PRKG1: variants seen among roughly 807,000 people sequenced by gnomAD.
PRKG1 encodes the protein protein kinase cGMP-dependent 1, also known as cGMP-dependent protein kinase 1.
PRKG1 carries 35 observed loss-of-function variants against 88.1 expected under a neutral mutation model. The observed-to-expected ratio is 0.40, with a 90% CI of 0.30 to 0.53. The LOEUF (loss-of-function observed/expected upper bound fraction) is 0.53, where lower values mean the gene tolerates loss of function less well. PRKG1 is among the 20% of genes least tolerant of loss of function. The pLI, the probability that PRKG1 is intolerant of heterozygous loss-of-function variation, is 0.59. For synonymous variants in PRKG1, 303 were observed against 292.5 expected, an observed-to-expected ratio of 1.04 and a Z score of -0.37; for missense variants, 540 against 839.8, an observed-to-expected ratio of 0.64 and a Z score of 4.41.
chr10:51,956,059 T>C lies in PRKG1; in HGVS notation c.762+48489T>C, dbSNP rs528798675. On this transcript the variant is annotated intron_variant, in intron 5 of 17. Coordinates refer to ENST00000373980, the MANE Select transcript of PRKG1 (RefSeq NM_006258.4). ...TAATTTTGATGAAACTGATCTCTAATTAGAAACATGTTTCTTTAAGGAACC... is the reference window on the plus strand; with the variant it reads ...TAATTTTGATGAAACTGATCTCTAACTAGAAACATGTTTCTTTAAGGAACC... 3.3e-5 allele frequency among the ~76,000 whole-genome samples: 5 copies of C among 152,278 alleles called. No homozygotes were observed. In the South Asian group the frequency reaches 1.0e-3, roughly 32 times the overall value.
At chr10:51,094,183 G>C (rs984363757) in intron 1 of PRKG1, among the ~76,000 whole-genome samples, 2 of 151,916 alleles carry the variant, frequency 1.3e-5, no homozygotes, top group Non-Finnish European at 2.9e-5. Flanking sequence ...CTAGGGCATA[G>C]AAAACACTTA....
intron 3 of PRKG1, among the ~76,000 whole-genome samples, chr10:51,758,078 CA>C (rs1164893302): frequency 6.6e-6 from 1 of 152,068 alleles, no homozygotes; most frequent in African/African-American, 2.4e-5. Flanking sequence ...AAGAAAATTA[CA>C]CAATTTATCA....
intron 12 of PRKG1, among the ~76,000 whole-genome samples, chr10:52,280,345 T>C (rs1230646337): frequency 1.3e-5 from 2 of 152,098 alleles, no homozygotes; most frequent in African/African-American, 4.8e-5. Flanking sequence ...TTTAGAAAGA[T>C]TAAAAAACAA....
chr10:52,137,548 T>C (rs1837461536), intron 8 of PRKG1, among the ~76,000 whole-genome samples: 1 of 152,102 alleles, frequency 6.6e-6, no homozygotes, highest in Non-Finnish European at 1.5e-5. Context: ...AATACCAAAA[T>C]CCACAGATGC....
At chr10:51,543,627 A>C (rs538576606) in intron 3 of PRKG1, among the ~76,000 whole-genome samples, 49 of 152,314 alleles carry the variant, frequency 3.2e-4, no homozygotes, top group African/African-American at 1.1e-3. Context: ...GCAGCCTGTT[A>C]ATTCAAACCT....
intron 4 of PRKG1, among the ~76,000 whole-genome samples, chr10:51,850,111 C>T (rs772131822): frequency 2.6e-5 from 4 of 152,204 alleles, no homozygotes; most frequent in Non-Finnish European, 5.9e-5. Flanking sequence ...GTTTTATAAT[C>T]TTGAAGCCAA....
At position 51,884,582 on chromosome 10, in the gene PRKG1, A is replaced by T. The variant is rs528604096; in HGVS notation, c.699-22925A>T. Among the ~76,000 whole-genome samples the T allele has an allele frequency of 6.7e-5, 10 of 148,568 alleles. 1 individual carries two copies. In the South Asian group the frequency reaches 2.3e-3, roughly 34 times the overall value. On this transcript the variant is annotated intron_variant, in intron 4 of 17. Coordinates refer to ENST00000373980, the MANE Select transcript of PRKG1 (RefSeq NM_006258.4). The stretch of plus-strand genomic sequence containing the variant: ...AAAACATGATTTATTGTTTCTCATG[A>T]TTCCCTAGGTTGACTGGACTCAGTG...
Position 51,297,891 on chromosome 10 carries a change from A to T in PRKG1, c.478+144561A>T, listed in dbSNP as rs552413595. On this transcript the variant is annotated intron_variant, in intron 2 of 17. Transcript: ENST00000373980. ...AGGCATTTAATGGCTTTTCCTAAAA[A>T]ATAATGCAAGCAGTTCTTAACCCTA... Among the ~76,000 whole-genome samples, 16 of 152,226 alleles carry T rather than the reference A, an allele frequency of 1.1e-4. No homozygotes were observed. The South Asian group carries it at 3.1e-3, about 30-fold the overall frequency.
In PRKG1 at chr10:51,952,583, T is replaced by A. The variant is rs11000260; in HGVS notation, c.762+45013T>A. The stretch of plus-strand genomic sequence containing the variant: ...AAGATTAACACAGTGCCTAACACAT[T>A]GCAAATGCTTAATAAATATTAAGTG... On this transcript the variant is annotated intron_variant, in intron 5 of 17. Coordinates refer to ENST00000373980, the MANE Select transcript of PRKG1 (RefSeq NM_006258.4). Among the ~76,000 whole-genome samples, 153 of 152,336 alleles carry A rather than the reference T, an allele frequency of 1.0e-3. 2 individuals are homozygous for A. The East Asian group carries it at 0.022, about 22-fold the overall frequency.
chr10:51,751,396 T>G (rs1201927782), intron 3 of PRKG1, among the ~76,000 whole-genome samples: 1 of 152,006 alleles, frequency 6.6e-6, no homozygotes, highest in Non-Finnish European at 1.5e-5. Flanking sequence ...CACCATCTAA[T>G]TTTTGTATTT....
chr10:51,819,231 G>A (rs1937705), intron 4 of PRKG1, among the ~76,000 whole-genome samples: 67,278 of 151,306 alleles, frequency 0.44, 17,489 homozygotes, highest in Non-Finnish European at 0.59. Context: ...AAGCAAGAAA[G>A]AGAGGGGAGG....
At chr10:51,126,982 A>C (rs992616181) in intron 1 of PRKG1, among the ~76,000 whole-genome samples, 6 of 152,198 alleles carry the variant, frequency 3.9e-5, no homozygotes, top group African/African-American at 1.4e-4. Context: ...TAAAGACTTA[A>C]ATGTAAAACC....
intron 5 of PRKG1, among the ~76,000 whole-genome samples, chr10:51,958,384 G>A (rs1843363156): frequency 6.6e-6 from 1 of 152,106 alleles, no homozygotes; most frequent in Non-Finnish European, 1.5e-5. Context: ...AAGTTGATAT[G>A]TTAGTGTGTG....
chr10:51,858,529 G>A (rs1265049738), intron 4 of PRKG1, among the ~76,000 whole-genome samples: 2 of 140,056 alleles, frequency 1.4e-5, no homozygotes, highest in Admixed American at 1.6e-4. Flanking sequence ...TGAATTCCTA[G>A]CCATTCAGGC....
intron 8 of PRKG1, among the ~76,000 whole-genome samples, chr10:52,160,853 A>G (rs1387258757): frequency 6.6e-6 from 1 of 152,078 alleles, no homozygotes; most frequent in African/African-American, 2.4e-5. Context: ...TTATAATACT[A>G]ACTCATAGTA....
At position 51,848,633 on chromosome 10, in the gene PRKG1, C is replaced by CTT. The variant is rs1448787546; in HGVS notation, c.698+43944_698+43945insTT. 5.4e-3 allele frequency among the ~76,000 whole-genome samples: 789 copies of CTT among 145,194 alleles called. 8 individuals are homozygous for CTT. The highest frequency in any genetic ancestry group is 0.018 in the African/African-American group (733 of 40,296). ...TTCCATTAATTCTGTGTGTCTGTATCTGTGTGTGTGTGTGTGTGTGTGTGT... is the reference window on the plus strand; with the variant it reads ...TTCCATTAATTCTGTGTGTCTGTATCTTTGTGTGTGTGTGTGTGTGTGTGTGT... On this transcript the variant is annotated intron_variant, in intron 4 of 17. Coordinates refer to ENST00000373980, the MANE Select transcript of PRKG1 (RefSeq NM_006258.4).
At chr10:51,567,414 C>A (rs1837635193) in intron 3 of PRKG1, among the ~76,000 whole-genome samples, 1 of 152,072 alleles carries the variant, frequency 6.6e-6, no homozygotes, top group East Asian at 1.9e-4. Flanking sequence ...GATTTCCAGG[C>A]AGCACTTATG....
chr10:52,087,850 A>T (rs1301963087), intron 7 of PRKG1, among the ~76,000 whole-genome samples: 1 of 152,166 alleles, frequency 6.6e-6, no homozygotes, highest in Non-Finnish European at 1.5e-5. Context: ...ATAGAGAAAA[A>T]GCAAAACTTA....
intron 2 of PRKG1, among the ~76,000 whole-genome samples, chr10:51,180,761 T>G (rs2132024430): frequency 6.6e-6 from 1 of 152,332 alleles, no homozygotes; most frequent in African/African-American, 2.4e-5. Flanking sequence ...GTAGCAACAG[T>G]GCTCCTAGAC....
Sources: gnomAD v4.1 joint callset for allele counts (sites outside exome capture counted in the v4.1 genomes callset) on GRCh38, gnomAD v4.1.1 for gene constraint, MANE v1.5 for transcripts, NCBI Gene and HGNC (gene_info 2026-07-23, HGNC 2026-07-21) for gene names.